The following MSH3 variants were observed in gnomAD, a reference collection of about 807,000 sequenced individuals.
MSH3 encodes the protein DNA mismatch repair protein Msh3.
Under a neutral mutation model 123.3 loss-of-function variants are expected in MSH3, and 106 were observed. That is an observed-to-expected ratio of 0.86 (90% CI 0.73 to 1.01). The LOEUF is 1.01. Among genes scored for constraint, MSH3 ranks in the 50% least tolerant of loss-of-function variants. The probability of loss-of-function intolerance (pLI) is 0.00; values close to 1 mark genes in which losing one functional copy is unlikely to be tolerated. For missense variants in MSH3, 1,459 were observed against 1,347.6 expected, an observed-to-expected ratio of 1.08 and a Z score of -1.29; for synonymous variants, 515 against 481.4, an observed-to-expected ratio of 1.07 and a Z score of -0.91.
chr5:80,711,878 TCCTGA>T (rs1354701528), intron 8 of MSH3, among the ~76,000 whole-genome samples: 6 of 152,148 alleles, frequency 3.9e-5, no homozygotes, highest in Non-Finnish European at 8.8e-5. Context: ...CGTGTTGAAC[TCCTGA>T]CCTCAAGTGA....
intron 13 of MSH3, among the ~76,000 whole-genome samples, chr5:80,762,892 G>A (rs182735657): frequency 1.7e-4 from 25 of 150,668 alleles, no homozygotes; most frequent in African/African-American, 5.9e-4. Flanking sequence ...CGTCACCCAG[G>A]CTGGAGTGCA....
chr5:80,687,085 A>G (rs1328387177), intron 8 of MSH3, among the ~76,000 whole-genome samples: 1 of 152,224 alleles, frequency 6.6e-6, no homozygotes, highest in Non-Finnish European at 1.5e-5. Flanking sequence ...ACTTAGAACA[A>G]ATATTAGAGA....
intron 12 of MSH3, among the ~76,000 whole-genome samples, chr5:80,755,454 C>T (rs1021160937): frequency 6.6e-6 from 1 of 152,110 alleles, no homozygotes; most frequent in Non-Finnish European, 1.5e-5. Flanking sequence ...TTATCTTTCT[C>T]CATCTTTATG....
chr5:80,791,096 G>A (rs1316050180), intron 18 of MSH3, among the ~76,000 whole-genome samples: 1 of 152,192 alleles, frequency 6.6e-6, no homozygotes, highest in African/African-American at 2.4e-5. Flanking sequence ...GCTGAAAGAT[G>A]TGATAGTATT....
intron 8 of MSH3, among the ~76,000 whole-genome samples, chr5:80,705,965 C>T (rs1750714144): frequency 1.3e-5 from 2 of 152,198 alleles, no homozygotes; most frequent in South Asian, 2.1e-4. Flanking sequence ...TAATTCAACT[C>T]ATAACATAGG....
At chr5:80,873,465 G>A (rs769576868) in intron 23 of MSH3, among the ~76,000 whole-genome samples, 178 bp downstream of exon 23, 4 of 152,136 alleles carry the variant, frequency 2.6e-5, no homozygotes, top group African/African-American at 4.8e-5. Flanking sequence ...GGTGAATTCA[G>A]TCCATCTTCA....
At chr5:80,737,446 G>A (rs1021541893) in intron 10 of MSH3, among the ~76,000 whole-genome samples, 1 of 152,018 alleles carries the variant, frequency 6.6e-6, no homozygotes, top group Non-Finnish European at 1.5e-5. Flanking sequence ...TATTTTTGGT[G>A]TCTGAAATAT....
intron 8 of MSH3, among the ~76,000 whole-genome samples, chr5:80,698,195 G>A (rs1239292530): frequency 6.6e-6 from 1 of 152,110 alleles, no homozygotes; most frequent in African/African-American, 2.4e-5. Flanking sequence ...GGACCATTGC[G>A]CCTGGCCAAA....
At chr5:80,823,332 G>T (rs1170555653) in intron 20 of MSH3, among the ~76,000 whole-genome samples, 1 of 152,188 alleles carries the variant, frequency 6.6e-6, no homozygotes. Flanking sequence ...GGAATCTGGT[G>T]AAATGCTTAC....
At chr5:80,736,591 C>T (rs550793990) in intron 10 of MSH3, among the ~76,000 whole-genome samples, 86 of 152,224 alleles carry the variant, frequency 5.6e-4, no homozygotes, top group African/African-American at 1.9e-3. Flanking sequence ...TTCACCATTT[C>T]GTGATGAGAG....
chr5:80,762,790 T>TTTATGTTATG (rs747226793), intron 13 of MSH3, among the ~76,000 whole-genome samples: 4,736 of 132,610 alleles, frequency 0.036, 118 homozygotes, highest in Middle Eastern at 0.044. Flanking sequence ...TTTATTTTAT[T>TTTATGTTATG]TTATGTTATG....
At chr5:80,745,043 C>T (rs762761885) in intron 12 of MSH3, among the ~76,000 whole-genome samples, 7 of 152,276 alleles carry the variant, frequency 4.6e-5, no homozygotes, top group African/African-American at 1.7e-4. Flanking sequence ...ACCTGAGCTA[C>T]AGCAGTAATA....
At chr5:80,658,160 G>A (rs1749336365) in intron 2 of MSH3, among the ~76,000 whole-genome samples, 1 of 150,908 alleles carries the variant, frequency 6.6e-6, no homozygotes, top group Admixed American at 6.6e-5. Context: ...CTGGGTTCAA[G>A]CAATTCTCCT....
At chr5:80,816,457 C>T (rs1411412442) in intron 20 of MSH3, among the ~76,000 whole-genome samples, 1 of 152,124 alleles carries the variant, frequency 6.6e-6, no homozygotes, top group Non-Finnish European at 1.5e-5. Context: ...AAGGGTGGTC[C>T]TCCAGGAGAG....
At chr5:80,757,360 G>T (rs1247501300) in intron 12 of MSH3, among the ~76,000 whole-genome samples, 2 of 151,952 alleles carry the variant, frequency 1.3e-5, no homozygotes, top group Non-Finnish European at 2.9e-5. Flanking sequence ...TCTTAAGTTT[G>T]AATTATAGAG....
chr5:80,846,865 ACTTCC>A (rs1745732077), intron 20 of MSH3, among the ~76,000 whole-genome samples: 1 of 152,150 alleles, frequency 6.6e-6, no homozygotes, highest in African/African-American at 2.4e-5. Context: ...GTCCCCTTGC[ACTTCC>A]CAGGTGAGGC....
chr5:80,673,848 A>C (rs1749774244), intron 6 of MSH3, among the ~76,000 whole-genome samples: 1 of 152,186 alleles, frequency 6.6e-6, no homozygotes, highest in Non-Finnish European at 1.5e-5. Flanking sequence ...GTAAAATTAG[A>C]CCAGGGTGCA....
In MSH3 at chr5:80,656,418, A is replaced by T; in HGVS notation, c.245A>T (p.Glu82Val). The stretch of plus-strand genomic sequence containing the variant: ...CTAACCTTCCCGATATAGGCTACAG[A>T]AATTGACAGAAGAAAGAAGAGACCA... ...PPQLPPHIAT[E>V]IDRRKKRPLE... Residue 82 changes from glutamate to valine, a missense_variant, in exon 2 of 24, where the codon GAA (glutamate) becomes GTA (valine). By Grantham distance (121) the Glu-to-Val change is moderately radical (BLOSUM62 -2). Coordinates refer to ENST00000265081, the MANE Select transcript of MSH3 (RefSeq NM_002439.5). 2 of 1,614,174 alleles carry T rather than the reference A, an allele frequency of 1.2e-6. No individual in the cohort carries two copies. The highest frequency in any genetic ancestry group is 1.7e-6 in the Non-Finnish European group (2 of 1,180,030).
At chr5:80,788,426 G>A (rs944526921) in intron 18 of MSH3, among the ~76,000 whole-genome samples, 1 of 151,954 alleles carries the variant, frequency 6.6e-6, no homozygotes, top group African/African-American at 2.4e-5. Flanking sequence ...GGGCAAGAGA[G>A]TGAGACTCTG....
Sources: gnomAD v4.1 joint callset for allele counts (sites outside exome capture counted in the v4.1 genomes callset) on GRCh38, gnomAD v4.1.1 for gene constraint, MANE v1.5 for transcripts, NCBI Gene and HGNC (gene_info 2026-07-23, HGNC 2026-07-21) for gene names.